The following SMIM12 variants were observed in gnomAD, a reference collection of about 807,000 sequenced individuals.
SMIM12 encodes small integral membrane protein 12, also known as UPF0767 protein C1orf212.
Under a neutral mutation model 6.3 loss-of-function variants are expected in SMIM12, and 5 were observed. The observed-to-expected ratio is 0.80, with a 90% confidence interval of 0.42 to 1.68. The LOEUF is 1.68. Among genes scored for constraint, SMIM12 ranks in the 40% most tolerant of loss-of-function variants. The probability of loss-of-function intolerance (pLI) is 0.02; values close to 1 mark genes in which losing one functional copy is unlikely to be tolerated. For missense variants in SMIM12, 103 were observed against 121.4 expected (o/e 0.85, Z 0.71); for synonymous variants, 51 against 48.0 (o/e 1.06, Z -0.26).
Position 34,855,131 on chromosome 1 carries a change from G to A in SMIM12, c.*568C>T, listed in dbSNP as rs142205934. The A allele has an allele frequency of 1.3e-4, 175 of 1,343,268 alleles. 1 individual carries two copies. The highest frequency in any genetic ancestry group is 1.3e-3 in the Middle Eastern group (6 of 4,618). 83.2% of individuals were successfully genotyped at this position (1,343,268 alleles called of 1,614,324 possible). On this transcript the variant is annotated 3_prime_UTR_variant, in exon 2 of 2. Coordinates refer to ENST00000521580, the MANE Select transcript of SMIM12 (RefSeq NM_138428.6). ...GGTGACTGTTTTCAAGCAAATTCAC[G>A]AGGCACATGTTCGTCCCTGCCCCAA...
intron 1 of SMIM12, chr1:34,856,477 C>T (rs1485806749): frequency 6.4e-6 from 1 of 156,428 alleles, no homozygotes; most frequent in Non-Finnish European, 1.4e-5. Flanking sequence ...GAAGGATCTC[C>T]ATTTTACGGA....
In SMIM12 at chr1:34,855,518, C is replaced by T. The variant is rs754004727; in HGVS notation, c.*181G>A. On this transcript the variant is annotated 3_prime_UTR_variant, in exon 2 of 2. Transcript: ENST00000521580. ...GATGCGGCCTTCCTCTTCACTGGCC[C>T]CTCGGCTGCTGCTGGGTCTGCCTGG... The T allele has an allele frequency of 6.2e-7, 1 of 1,610,934 alleles. No homozygotes were observed. The highest frequency in any genetic ancestry group is 1.1e-5 in the South Asian group (1 of 90,224).
At chr1:34,857,230 T>TGAAAACCC (rs1638682183) in intron 1 of SMIM12, 1 of 106,518 alleles carries the variant, frequency 9.4e-6, no homozygotes, top group Non-Finnish European at 1.7e-5. Flanking sequence ...AAAATCACTG[T>TGAAAACCC]ACAAGCCCGG....
At position 34,852,198 on chromosome 1, in the gene SMIM12, TG is replaced by T. The variant is rs1640950223; in HGVS notation, c.*3500del. Among the ~76,000 whole-genome samples, 1 of 152,166 alleles carries T rather than the reference TG, an allele frequency of 6.6e-6. No homozygotes were observed. The highest frequency in any genetic ancestry group is 1.5e-5 in the Non-Finnish European group (1 of 68,036). On this transcript the variant is annotated 3_prime_UTR_variant, in exon 2 of 2. Transcript: ENST00000521580. ...AAAGGGGGCACAATCAAAGTGAGACTGGAAGAAGGGAGCCACCTGGATTCCC... is the reference window on the plus strand; with the variant it reads ...AAAGGGGGCACAATCAAAGTGAGACTGAAGAAGGGAGCCACCTGGATTCCC...
chr1:34,855,770 C>T lies in SMIM12; in HGVS notation c.208G>A (p.Val70Met), dbSNP rs1638631117. 6.4e-7 allele frequency: 1 copy of T among 1,571,604 alleles called. No homozygotes were observed. Among genetic ancestry groups the T allele is most frequent in the Non-Finnish European group, 8.6e-7 (1 of 1,157,802 alleles). Residue 70 changes from valine (V) to methionine (M), a missense_variant, in exon 2 of 2, where the codon GTG (valine) becomes ATG (methionine). Physicochemically the swap from Val to Met is conservative, Grantham distance 21. Coordinates refer to ENST00000521580, the MANE Select transcript of SMIM12 (RefSeq NM_138428.6). Reference protein sequence around the residue: ...ELLGKDHTQVVSLKDKLEFAP... With the variant: ...ELLGKDHTQVMSLKDKLEFAP... ...AATTCTAGCTTGTCCTTAAGGCTCA[C>T]CACCTGCGTGTGGTCCTTGCCTAGA...
rs762902411 is a variant in SMIM12 at position 34,850,529 on chromosome 1, C to T, written c.*5170G>A. 2.6e-5 allele frequency among the ~76,000 whole-genome samples: 4 copies of T among 152,118 alleles called. No homozygotes were observed. Among genetic ancestry groups the T allele is most frequent in the Non-Finnish European group, 5.9e-5 (4 of 68,014 alleles). On this transcript the variant is annotated 3_prime_UTR_variant, in exon 2 of 2. Transcript: ENST00000521580. ...CAAATACTATAAAATACGCTCTGTA[C>T]AGGAAAGAAATAATAGCACATGTAT...
rs1638539101 is a variant in SMIM12, at chr1:34,853,506, A to T, written c.*2193T>A. 1 of 152,188 alleles carries T rather than the reference A, an allele frequency of 6.6e-6. No individual in the cohort carries two copies. The highest frequency in any genetic ancestry group is 2.1e-4 in the South Asian group (1 of 4,838). The allele number at this position is 152,188 out of a possible 1,614,324, so 9.4% of individuals were successfully genotyped here. A position where few individuals can be genotyped will look rare whatever the true frequency, so the allele number is the denominator to read the frequency against. On this transcript the variant is annotated 3_prime_UTR_variant, in exon 2 of 2. Coordinates refer to ENST00000521580, the MANE Select transcript of SMIM12 (RefSeq NM_138428.6). ...CAAAACTGCTCATTTATCCCATTTC[A>T]TCCAAAATGACATTTACTATTTTTA...
chr1:34,855,798 C>G lies in SMIM12; in HGVS notation c.180G>C (p.Glu60Asp). 1 of 1,556,612 alleles carries G rather than the reference C, an allele frequency of 6.4e-7. No individual in the cohort carries two copies. Among genetic ancestry groups the G allele is most frequent in the South Asian group, 1.2e-5 (1 of 84,848 alleles). ...CCTGCGTGTGGTCCTTGCCTAGAAG[C>G]TCATCCAGCTTGCGATCCTCCCGGC... Reference protein sequence around the residue: ...SERREDRKLDELLGKDHTQVV... With the variant: ...SERREDRKLDDLLGKDHTQVV... Residue 60 changes from glutamate (E) to aspartate (D), a missense_variant, in exon 2 of 2, where the codon GAG becomes GAC. Transcript: ENST00000521580.
chr1:34,857,268 G>C (rs1245446724), intron 1 of SMIM12: 7 of 151,854 alleles, frequency 4.6e-5, no homozygotes, highest in Admixed American at 1.3e-4. Context: ...GGTGGGGCGG[G>C]GAGCGGAGTG....
In SMIM12 at chr1:34,855,285, A is replaced by G; in HGVS notation, c.*414T>C. ...ATAGGGCAAAATAGTGAAGGGAGCC[A>G]GGTGCATATTTGAATTCTTTCCAGT... On this transcript the variant is annotated 3_prime_UTR_variant, in exon 2 of 2. Transcript: ENST00000521580. 2.2e-6 allele frequency: 3 copies of G among 1,377,228 alleles called. No homozygotes were observed. The highest frequency in any genetic ancestry group is 2.9e-6 in the Non-Finnish European group (3 of 1,028,512). The allele number at this position is 1,377,228 out of a possible 1,614,324, so 85.3% of individuals were successfully genotyped here.
chr1:34,853,441 G>A lies in SMIM12; in HGVS notation c.*2258C>T, dbSNP rs954218716. 21 of 152,292 alleles carry A rather than the reference G, an allele frequency of 1.4e-4. No individual in the cohort carries two copies. Among genetic ancestry groups the A allele is most frequent in the African/African-American group, 4.3e-4 (18 of 41,556 alleles). The allele number at this position is 152,292 out of a possible 1,614,324, so 9.4% of individuals were successfully genotyped here. ...GTAAGATTTAGTAGAAACTCCTAGA[G>A]CCCTTTTGGAAAGACATTTGGTGTT... On this transcript the variant is annotated 3_prime_UTR_variant, in exon 2 of 2. Transcript: ENST00000521580.
In SMIM12 at chr1:34,854,942, T is replaced by C; in HGVS notation, c.*757A>G. On this transcript the variant is annotated 3_prime_UTR_variant, in exon 2 of 2. Coordinates refer to ENST00000521580, the MANE Select transcript of SMIM12 (RefSeq NM_138428.6). ...CTAGTAAAGCAGTTTCCAGGGCTCCTTGGCACCCTTTAATACCAATGTTAT... is the reference window on the plus strand; with the variant it reads ...CTAGTAAAGCAGTTTCCAGGGCTCCCTGGCACCCTTTAATACCAATGTTAT... 3 of 725,802 alleles carry C rather than the reference T, an allele frequency of 4.1e-6. No individual in the cohort carries two copies. The highest frequency in any genetic ancestry group is 5.7e-6 in the Non-Finnish European group (3 of 523,968). 45.0% of individuals were successfully genotyped at this position (725,802 alleles called of 1,614,324 possible).
At chr1:34,858,057 T>C (rs1472771713) in intron 1 of SMIM12, 1 of 151,516 alleles carries the variant, frequency 6.6e-6, no homozygotes, top group African/African-American at 2.4e-5. Context: ...AGACCACCAC[T>C]GGTCTGTGGC....
chr1:34,855,974 A>G lies in SMIM12; in HGVS notation c.4T>C (p.Trp2Arg), dbSNP rs968032420. Residue 2 changes from tryptophan to arginine, a missense_variant, in exon 2 of 2, where the codon TGG becomes CGG. Trp to Arg is a moderately radical substitution (Grantham distance 101, BLOSUM62 -3). Transcript: ENST00000521580. MWPVFWTVVRTY... is the reference protein window; with the variant it reads MRPVFWTVVRTY... Reference sequence around the variant, plus strand: ...CGAACCACGGTCCAAAACACAGGCCACATGACATCTGCGGAAAAGCACAAG... The same window carrying G: ...CGAACCACGGTCCAAAACACAGGCCGCATGACATCTGCGGAAAAGCACAAG... 4 of 1,543,034 alleles carry G rather than the reference A, an allele frequency of 2.6e-6. No individual in the cohort carries two copies. Among genetic ancestry groups the G allele is most frequent in the Middle Eastern group, 1.7e-4 (1 of 5,964 alleles).
chr1:34,854,336 C>T lies in SMIM12; in HGVS notation c.*1363G>A, dbSNP rs899166641. ...AAAAAAAGAAAAAAGAAACTACAGG[C>T]CAAGGCCGGAGGATCACTTGAGCCC... On this transcript the variant is annotated 3_prime_UTR_variant, in exon 2 of 2. Coordinates refer to ENST00000521580, the MANE Select transcript of SMIM12 (RefSeq NM_138428.6). 6.6e-6 allele frequency: 1 copy of T among 152,098 alleles called. No homozygotes were observed. The highest frequency in any genetic ancestry group is 6.6e-5 in the Admixed American group (1 of 15,260). The allele number at this position is 152,098 out of a possible 1,614,324, so 9.4% of individuals were successfully genotyped here. A position where few individuals can be genotyped will look rare whatever the true frequency, so the allele number is the denominator to read the frequency against.
Position 34,854,381 on chromosome 1 carries a change from G to T in SMIM12, c.*1318C>A, listed in dbSNP as rs1034354142. 2 of 152,228 alleles carry T rather than the reference G, an allele frequency of 1.3e-5. No homozygotes were observed. The highest frequency in any genetic ancestry group is 4.8e-5 in the African/African-American group (2 of 41,428). The allele number at this position is 152,228 out of a possible 1,614,324, so 9.4% of individuals were successfully genotyped here. On this transcript the variant is annotated 3_prime_UTR_variant, in exon 2 of 2. Transcript: ENST00000521580. ...GAGCCCAGGAGTTTGAGACTAGCCT[G>T]GGCAACATAGTGAGACCTGGTTCTA...
At position 34,855,139 on chromosome 1, in the gene SMIM12, T is replaced by C. The variant is rs775016874; in HGVS notation, c.*560A>G. On this transcript the variant is annotated 3_prime_UTR_variant, in exon 2 of 2. Coordinates refer to ENST00000521580, the MANE Select transcript of SMIM12 (RefSeq NM_138428.6). ...TTTTCAAGCAAATTCACGAGGCACA[T>C]GTTCGTCCCTGCCCCAAAGTGAACA... 5 of 1,354,062 alleles carry C rather than the reference T, an allele frequency of 3.7e-6. No homozygotes were observed. In the South Asian group the frequency reaches 5.8e-5, roughly 16 times the overall value. 83.9% of individuals were successfully genotyped at this position (1,354,062 alleles called of 1,614,324 possible). A position where few individuals can be genotyped will look rare whatever the true frequency, so the allele number is the denominator to read the frequency against.
At chr1:34,858,037 A>T (rs1413905465) in intron 1 of SMIM12, 1 of 152,058 alleles carries the variant, frequency 6.6e-6, no homozygotes, top group Non-Finnish European at 1.5e-5. Flanking sequence ...CCCAGTTTCT[A>T]ATGGGCTGAA....
intron 1 of SMIM12, chr1:34,858,063 G>C (rs549537285): frequency 6.6e-6 from 1 of 151,852 alleles, no homozygotes; most frequent in Admixed American, 6.6e-5. Flanking sequence ...CCACTGGTCT[G>C]TGGCCCAGGG....
Sources: gnomAD v4.1 joint callset for allele counts (sites outside exome capture counted in the v4.1 genomes callset) on GRCh38, gnomAD v4.1.1 for gene constraint, MANE v1.5 for transcripts, NCBI Gene and HGNC (gene_info 2026-07-23, HGNC 2026-07-21) for gene names.